EIF2AK3: variants seen among roughly 807,000 people sequenced by gnomAD.
EIF2AK3 encodes eukaryotic translation initiation factor 2 alpha kinase 3.
Under a neutral mutation model 113.5 loss-of-function variants are expected in EIF2AK3, and 50 were observed. The ratio of observed to expected loss-of-function variants is 0.44; its 90% CI spans 0.35 to 0.56. The LOEUF (loss-of-function observed/expected upper bound fraction) is 0.56, where lower values mean the gene tolerates loss of function less well. Ranked by LOEUF, EIF2AK3 falls within the 20% of genes least tolerant of loss-of-function variation. The pLI is 0.00. For synonymous variants in EIF2AK3, 448 were observed against 495.4 expected (o/e 0.90, Z 1.27); for missense variants, 1,185 against 1,378.0 (o/e 0.86, Z 2.22).
In EIF2AK3 at chr2:88,600,744, A is replaced by G. The variant is rs546546992; in HGVS notation, c.439-5081T>C. Among the ~76,000 whole-genome samples the G allele has an allele frequency of 3.7e-3, 569 of 152,338 alleles. 4 individuals are homozygous for G. The highest frequency in any genetic ancestry group is 6.2e-3 in the Non-Finnish European group (419 of 68,036). ...ATAACTTTAATTTTAAAGTGGAGGAAGGAATTTCATATGAGAAAATAAAGG... is the reference window on the plus strand; with the variant it reads ...ATAACTTTAATTTTAAAGTGGAGGAGGGAATTTCATATGAGAAAATAAAGG... On this transcript the variant is annotated intron_variant, in intron 2 of 16. Transcript: ENST00000303236.
chr2:88,584,188 T>C (rs1674662625), intron 9 of EIF2AK3, among the ~76,000 whole-genome samples: 1 of 152,066 alleles, frequency 6.6e-6, no homozygotes, highest in South Asian at 2.1e-4. Flanking sequence ...GAGGAGATGG[T>C]GGTAAACAGT....
Position 88,588,121 on chromosome 2 carries a change from A to G in EIF2AK3, c.1307-17T>C. On this transcript the variant is annotated splice_polypyrimidine_tract_variant and intron_variant, in intron 7 of 16. Coordinates refer to ENST00000303236, the MANE Select transcript of EIF2AK3 (RefSeq NM_004836.7). Reference sequence around the variant, plus strand: ...AAGGAGAATCTAAAAGAAAATTATTATTTTCTTAATAATAATATTTCTTAA... The same window carrying G: ...AAGGAGAATCTAAAAGAAAATTATTGTTTTCTTAATAATAATATTTCTTAA... The G allele has an allele frequency of 1.4e-6, 2 of 1,421,534 alleles. No homozygotes were observed. Among genetic ancestry groups the G allele is most frequent in the South Asian group, 1.3e-5 (1 of 77,926 alleles). 88.1% of individuals were successfully genotyped at this position (1,421,534 alleles called of 1,614,324 possible). A position where few individuals can be genotyped will look rare whatever the true frequency, so the allele number is the denominator to read the frequency against.
intron 13 of EIF2AK3, among the ~76,000 whole-genome samples, chr2:88,574,010 T>C (rs1004551351): frequency 3.3e-5 from 5 of 152,340 alleles, no homozygotes; most frequent in Middle Eastern, 3.4e-3. Context: ...TAAGACTCTT[T>C]AATAATTTTG....
At chr2:88,619,346 C>G (rs1274223719) in intron 1 of EIF2AK3, among the ~76,000 whole-genome samples, 1 of 152,138 alleles carries the variant, frequency 6.6e-6, no homozygotes, top group Non-Finnish European at 1.5e-5. Context: ...CCTGTTTGTA[C>G]TACATGTTCT....
chr2:88,600,787 T>G (rs1047556651), intron 2 of EIF2AK3, among the ~76,000 whole-genome samples: 2 of 152,228 alleles, frequency 1.3e-5, no homozygotes, highest in African/African-American at 4.8e-5. Context: ...ACTACTAAAA[T>G]GAGCACTACC....
intron 14 of EIF2AK3, among the ~76,000 whole-genome samples, chr2:88,566,035 TC>T (rs1399804694): frequency 6.6e-6 from 1 of 152,200 alleles, no homozygotes; most frequent in Non-Finnish European, 1.5e-5. Context: ...TTTGTGATTT[TC>T]CCCCCTTAAG....
At chr2:88,602,025 G>GT (rs1411814604) in intron 2 of EIF2AK3, among the ~76,000 whole-genome samples, 1 of 151,326 alleles carries the variant, frequency 6.6e-6, no homozygotes, top group Non-Finnish European at 1.5e-5. Flanking sequence ...CTAATTTTTT[G>GT]TATTTTTAGT....
chr2:88,593,355 T>C lies in EIF2AK3; in HGVS notation c.684A>G (p.Glu228=). The change falls in exon 4 of 17, where the codon GAA becomes GAG. Residue 228 remains glutamate (E), a synonymous_variant. Coordinates refer to ENST00000303236, the MANE Select transcript of EIF2AK3 (RefSeq NM_004836.7). ...GCAGGATGTCTTCCTCTTGTTCCAT[T>C]TCGTCACTATCCCATTGGCGACAAC... The part of the protein sequence containing the change: ...ALGCRQWDSD[E]MEQEEDILLL... The C allele has an allele frequency of 6.2e-7, 1 of 1,614,012 alleles. No homozygotes were observed. Among genetic ancestry groups the C allele is most frequent in the South Asian group, 1.1e-5 (1 of 91,076 alleles).
intron 1 of EIF2AK3, among the ~76,000 whole-genome samples, chr2:88,616,690 G>T (rs1005097822): frequency 6.6e-6 from 1 of 152,028 alleles, no homozygotes; most frequent in African/African-American, 2.4e-5. Flanking sequence ...GCCTCCCAAA[G>T]TGCTGGGATT....
chr2:88,583,652 G>T, intron 9 of EIF2AK3, 110 bp from the exon 10 acceptor site: 1 of 801,544 alleles, frequency 1.2e-6, no homozygotes, highest in Non-Finnish European at 2.1e-6. Context: ...GTAGCATCAA[G>T]AAAAATAAAA....
In EIF2AK3 at chr2:88,557,523, A is replaced by AAGAT. The variant is rs1673812103; in HGVS notation, c.*209_*212dup. ...AGTTTCAAGAGACTAACAAAGAACA[A>AAGAT]AGATAGCCCTTTCCTTAAGTATAGC... On this transcript the variant is annotated 3_prime_UTR_variant, in exon 17 of 17. Coordinates refer to ENST00000303236, the MANE Select transcript of EIF2AK3 (RefSeq NM_004836.7). The AAGAT allele has an allele frequency of 3.4e-6, 2 of 596,102 alleles. No homozygotes were observed. The highest frequency in any genetic ancestry group is 5.7e-5 in the Admixed American group (2 of 35,366). 36.9% of individuals were successfully genotyped at this position (596,102 alleles called of 1,614,324 possible).
At position 88,588,655 on chromosome 2, in the gene EIF2AK3, G is replaced by C; in HGVS notation, c.1306+106C>G. 4.4e-6 allele frequency: 5 copies of C among 1,148,228 alleles called. No individual in the cohort carries two copies. The Admixed American group carries it at 7.6e-5, about 17-fold the overall frequency. 71.1% of individuals were successfully genotyped at this position (1,148,228 alleles called of 1,614,324 possible). A position where few individuals can be genotyped will look rare whatever the true frequency, so the allele number is the denominator to read the frequency against. On this transcript the variant is annotated intron_variant, in intron 7 of 16. Transcript: ENST00000303236. ...TCATGGTTTATCAATAAAATATAAA[G>C]TATATAACAGTTCTTATCTCTGCAG...
intron 15 of EIF2AK3, among the ~76,000 whole-genome samples, chr2:88,559,757 A>C (rs1391684148): frequency 6.6e-6 from 1 of 152,204 alleles, no homozygotes; most frequent in African/African-American, 2.4e-5. Flanking sequence ...CATGTTTTCA[A>C]GATTCATCTA....
At chr2:88,562,256 G>C in intron 15 of EIF2AK3, 33 bp downstream of exon 15, 2 of 1,566,870 alleles carry the variant, frequency 1.3e-6, no homozygotes, top group South Asian at 2.2e-5. Context: ...TTTTCTGTTT[G>C]AAACTTTTTT....
Position 88,593,421 on chromosome 2 carries a change from T to C in EIF2AK3, c.634-16A>G, listed in dbSNP as rs1674934172. 1 of 1,613,490 alleles carries C rather than the reference T, an allele frequency of 6.2e-7. No individual in the cohort carries two copies. The highest frequency in any genetic ancestry group is 1.3e-5 in the African/African-American group (1 of 74,900). ...TATACCTCACCTGAAAAGACAAAAT[T>C]AGATACAAAATTAGTAAAAGGAGAC... On this transcript the variant is annotated splice_polypyrimidine_tract_variant and intron_variant, in intron 3 of 16. Coordinates refer to ENST00000303236, the MANE Select transcript of EIF2AK3 (RefSeq NM_004836.7).
chr2:88,595,350 A>G, intron 3 of EIF2AK3, 119 bp downstream of exon 3: 1 of 1,014,600 alleles, frequency 9.9e-7, no homozygotes, highest in Non-Finnish European at 1.5e-6. Context: ...AAAACAAATG[A>G]CAACCTCAGG....
intron 2 of EIF2AK3, among the ~76,000 whole-genome samples, chr2:88,596,141 A>G (rs576493905): frequency 1.3e-5 from 2 of 152,208 alleles, no homozygotes; most frequent in Non-Finnish European, 1.5e-5. Flanking sequence ...ATCAAGGCCA[A>G]TTACTGTCAT....
At chr2:88,559,427 AT>A in intron 15 of EIF2AK3, among the ~76,000 whole-genome samples, 1 of 152,004 alleles carries the variant, frequency 6.6e-6, no homozygotes, top group Non-Finnish European at 1.5e-5. Flanking sequence ...ATATTACACC[AT>A]TTTATATAAG....
At chr2:88,565,514 G>C (rs555782899) in intron 14 of EIF2AK3, among the ~76,000 whole-genome samples, 1 of 150,988 alleles carries the variant, frequency 6.6e-6, no homozygotes, top group African/African-American at 2.4e-5. Context: ...GCTAATTTTT[G>C]TATTTTTTGT....
Sources: gnomAD v4.1 joint callset for allele counts (sites outside exome capture counted in the v4.1 genomes callset) on GRCh38, gnomAD v4.1.1 for gene constraint, MANE v1.5 for transcripts, NCBI Gene and HGNC (gene_info 2026-07-23, HGNC 2026-07-21) for gene names.